RGL4: variants seen among roughly 807,000 people sequenced by gnomAD.
The protein encoded by RGL4 is ral-GDS-related protein.
A neutral mutation model predicts 49.6 loss-of-function variants in RGL4; 41 were observed. The observed-to-expected ratio is 0.83, with a 90% confidence interval of 0.64 to 1.07. The LOEUF (loss-of-function observed/expected upper bound fraction) is 1.07. RGL4 is among the 50% of genes least tolerant of loss of function. The pLI is 0.00. For synonymous variants in RGL4, 255 were observed against 238.0 expected (o/e 1.07, Z -0.66); for missense variants, 610 against 591.9 (o/e 1.03, Z -0.32).
At chr22:23,693,013 G>A in intron 3 of RGL4, 22 bp downstream of exon 3, 3 of 1,567,332 alleles carry the variant, frequency 1.9e-6, no homozygotes, top group Admixed American at 1.7e-5. Context: ...AGCTTTGCAG[G>A]CTGTGTCTCT....
intron 9 of RGL4, 81 bp from the exon 10 acceptor site, chr22:23,698,131 C>A: frequency 6.5e-7 from 1 of 1,544,728 alleles, no homozygotes; most frequent in Non-Finnish European, 8.8e-7. Flanking sequence ...CCCCAGGGAC[C>A]AGCCCCTTCT....
rs899590082 is a variant in RGL4, at chr22:23,691,331, G to C, written c.-700G>C. ...TTCCTTCTGGCTGGTCTTTCTCCTT[G>C]ACACAGACAGAAGAGGGGTCCCTTG... On this transcript the variant is annotated 5_prime_UTR_variant, in exon 1 of 11. Coordinates refer to ENST00000290691, the MANE Select transcript of RGL4 (RefSeq NM_153615.2). 6.6e-6 allele frequency: 1 copy of C among 152,158 alleles called. No individual in the cohort carries two copies. The highest frequency in any genetic ancestry group is 1.5e-5 in the Non-Finnish European group (1 of 68,052). 9.4% of individuals were successfully genotyped at this position (152,158 alleles called of 1,614,324 possible).
In RGL4 at chr22:23,694,980, C is replaced by T; in HGVS notation, c.1047C>T (p.Cys349=). The change falls in exon 6 of 11, where the codon TGC becomes TGT. Residue 349 remains cysteine (C), a synonymous_variant. Transcript: ENST00000290691. ...SKSMKELKEL[C]KKDTAVKRDL... is the part of the protein sequence containing the mutation. The stretch of plus-strand genomic sequence containing the variant: ...GCATGAAAGAGCTAAAAGAACTCTG[C>T]AAAAAAGACACTGCAGTGAAGAGGG... The T allele has an allele frequency of 6.2e-7, 1 of 1,613,394 alleles. No individual in the cohort carries two copies. Among genetic ancestry groups the T allele is most frequent in the Non-Finnish European group, 8.5e-7 (1 of 1,179,516 alleles).
intron 5 of RGL4, 40 bp from the exon 6 acceptor site, chr22:23,694,910 G>A (rs1263846107): frequency 2.0e-6 from 3 of 1,522,866 alleles, no homozygotes; most frequent in Non-Finnish European, 2.7e-6. Flanking sequence ...AATCTCCCCT[G>A]ATTCCCAAAT....
At chr22:23,698,420 A>G in intron 10 of RGL4, 87 bp downstream of exon 10, 1 of 1,461,552 alleles carries the variant, frequency 6.8e-7, no homozygotes, top group Non-Finnish European at 9.4e-7. Flanking sequence ...CCCAGGCTGC[A>G]CTGCAGTGTC....
chr22:23,693,308 C>T (rs1340212723), intron 3 of RGL4: 2 of 473,876 alleles, frequency 4.2e-6, no homozygotes, highest in Non-Finnish European at 7.7e-6. Context: ...AGGAGCCTCA[C>T]TACCCTCAGC....
At chr22:23,698,427 T>C (rs773076479) in intron 10 of RGL4, 94 bp downstream of exon 10, 7 of 1,419,966 alleles carry the variant, frequency 4.9e-6, no homozygotes, top group Non-Finnish European at 6.9e-6. Context: ...TGCACTGCAG[T>C]GTCACCATCT....
intron 4 of RGL4, 55 bp downstream of exon 4, chr22:23,694,029 TCTC>T (rs1164808931): frequency 2.0e-6 from 3 of 1,480,000 alleles, no homozygotes; most frequent in Admixed American, 3.4e-5. Context: ...AACTTCCTCT[TCTC>T]CTCCATCGGC....
At position 23,693,887 on chromosome 22, in the gene RGL4, C is replaced by T. The variant is rs968967879; in HGVS notation, c.825C>T (p.Asn275=). 1.9e-6 allele frequency: 3 copies of T among 1,614,010 alleles called. No individual in the cohort carries two copies. Among genetic ancestry groups the T allele is most frequent in the East Asian group, 2.2e-5 (1 of 44,886 alleles). Reference sequence around the variant, plus strand: ...TCGCACACTTCAACAGGCTCACCAACTGCATCACCACCTCCTGCCTCGGGG... The same window carrying T: ...TCGCACACTTCAACAGGCTCACCAATTGCATCACCACCTCCTGCCTCGGGG... The part of the protein sequence containing the change: ...ATIAHFNRLT[N]CITTSCLGDH... Residue 275 remains asparagine, a synonymous_variant, in exon 4 of 11, where the codon AAC becomes AAT. Transcript: ENST00000290691.
intron 6 of RGL4, chr22:23,695,505 G>A: frequency 1.9e-6 from 1 of 519,304 alleles, no homozygotes; most frequent in African/African-American, 2.0e-5. Flanking sequence ...TGGGCAGGGG[G>A]CCTTGGCCTG....
chr22:23,695,303 G>GC (rs1923416550), intron 6 of RGL4: 1 of 455,208 alleles, frequency 2.2e-6, no homozygotes, highest in African/African-American at 2.0e-5. Context: ...ATGAGCTGCA[G>GC]CATTAGCAGG....
chr22:23,691,792 A>G lies in RGL4; in HGVS notation c.-239A>G, dbSNP rs984668937. 20 of 476,236 alleles carry G rather than the reference A, an allele frequency of 4.2e-5. No homozygotes were observed. The highest frequency in any genetic ancestry group is 6.1e-5 in the Non-Finnish European group (16 of 262,990). The allele number at this position is 476,236 out of a possible 1,614,324, so 29.5% of individuals were successfully genotyped here. ...AGGAGCTCTGGGGCTCATACTTCTTATAATTCCCACGAGAAGGCTGACATC... is the reference window on the plus strand; with the variant it reads ...AGGAGCTCTGGGGCTCATACTTCTTGTAATTCCCACGAGAAGGCTGACATC... On this transcript the variant is annotated 5_prime_UTR_variant, in exon 1 of 11. Coordinates refer to ENST00000290691, the MANE Select transcript of RGL4 (RefSeq NM_153615.2).
At chr22:23,695,523 G>A in intron 6 of RGL4, 4 of 482,726 alleles carry the variant, frequency 8.3e-6, no homozygotes, top group South Asian at 6.3e-5. Context: ...CTGCACTGGG[G>A]GAGAGGGGGA....
In RGL4 at chr22:23,691,927, C is replaced by T. The variant is rs1475505227; in HGVS notation, c.-104C>T. ...CACAGCTGGCCACTGAGAGACCCAT[C>T]CCCCTCAGCACCGTGGCTTCCCAGC... is the stretch of plus-strand genomic sequence containing the variant. On this transcript the variant is annotated 5_prime_UTR_variant, in exon 1 of 11. Transcript: ENST00000290691. The T allele has an allele frequency of 1.2e-5, 15 of 1,211,546 alleles. No individual in the cohort carries two copies. In the South Asian group the frequency reaches 1.8e-4, roughly 15 times the overall value. 75.0% of individuals were successfully genotyped at this position (1,211,546 alleles called of 1,614,324 possible).
At position 23,692,894 on chromosome 22, in the gene RGL4, G is replaced by C; in HGVS notation, c.599G>C (p.Cys200Ser). The stretch of plus-strand genomic sequence containing the variant: ...TCAGCCCCAGAGTCCTCCTGTCCCT[G>C]TCGTGGGTCTGTAAAGAACCAACCC... ...PQSAPESSCP[C>S]RGSVKNQPSE... is the part of the protein sequence containing the mutation. Residue 200 changes from cysteine (C) to serine (S), a missense_variant, in exon 3 of 11, where the codon TGT (cysteine) becomes TCT (serine). Cys to Ser is a moderately radical substitution (Grantham distance 112). Transcript: ENST00000290691. 6.2e-7 allele frequency: 1 copy of C among 1,613,652 alleles called. No homozygotes were observed. Among genetic ancestry groups the C allele is most frequent in the Non-Finnish European group, 8.5e-7 (1 of 1,180,036 alleles).
chr22:23,698,192 A>G lies in RGL4; in HGVS notation c.1261-20A>G. 3 of 1,593,268 alleles carry G rather than the reference A, an allele frequency of 1.9e-6. No individual in the cohort carries two copies. The highest frequency in any genetic ancestry group is 2.6e-6 in the Non-Finnish European group (3 of 1,163,700). Reference sequence around the variant, plus strand: ...CAACTTCCACCCAGGCCCTGTCAGCATCCTGTCCTCTGTCTCTAGGAGGTC... The same window carrying G: ...CAACTTCCACCCAGGCCCTGTCAGCGTCCTGTCCTCTGTCTCTAGGAGGTC... On this transcript the variant is annotated intron_variant, in intron 9 of 10. Transcript: ENST00000290691.
intron 1 of RGL4, 37 bp downstream of exon 1, chr22:23,692,246 G>A: frequency 6.2e-7 from 1 of 1,609,024 alleles, no homozygotes; most frequent in South Asian, 1.1e-5. Context: ...GCAGCAACAG[G>A]CCAGGGACCC....
intron 1 of RGL4, 62 bp from the exon 2 acceptor site, chr22:23,692,272 TG>T (rs1923186364): frequency 6.2e-7 from 1 of 1,606,788 alleles, no homozygotes; most frequent in Non-Finnish European, 8.5e-7. Flanking sequence ...CACGCAGGGG[TG>T]CCCTGGAGGG....
chr22:23,698,001 T>C, intron 9 of RGL4, 140 bp downstream of exon 9: 2 of 1,204,040 alleles, frequency 1.7e-6, no homozygotes, highest in Non-Finnish European at 2.4e-6. Flanking sequence ...GGAGGGGACC[T>C]ATCCCAGGAG....
Sources: allele counts gnomAD v4.1 joint callset, GRCh38; gene constraint gnomAD v4.1.1; transcripts MANE v1.5; gene names NCBI Gene and HGNC (gene_info 2026-07-23, HGNC 2026-07-21).